MTHFD1L: variants seen among roughly 807,000 people sequenced by gnomAD.
MTHFD1L encodes methylenetetrahydrofolate dehydrogenase (NADP+ dependent) 1 like, also known as monofunctional C1-tetrahydrofolate synthase, mitochondrial.
A neutral mutation model predicts 119.5 loss-of-function variants in MTHFD1L; 81 were observed. The ratio of observed to expected loss-of-function variants is 0.68; its 90% CI spans 0.57 to 0.82. MTHFD1L has a LOEUF of 0.82. Among genes scored for constraint, MTHFD1L ranks in the 40% least tolerant of loss-of-function variants. The pLI is 0.00. For missense variants in MTHFD1L, 1,125 were observed against 1,253.4 expected (o/e 0.90, Z 1.55); for synonymous variants, 430 against 475.2 (o/e 0.90, Z 1.24).
chr6:151,015,881 G>A (rs538844996), intron 24 of MTHFD1L, among the ~76,000 whole-genome samples, 188 bp downstream of exon 24: 1 of 152,296 alleles, frequency 6.6e-6, no homozygotes, highest in South Asian at 2.1e-4. Flanking sequence ...GAGGTCAGGA[G>A]TTCGAGACCA....
At chr6:150,932,161 CAAAAAAAAAAAA>C (rs5880902) in intron 11 of MTHFD1L, among the ~76,000 whole-genome samples, 1 of 39,474 alleles carries the variant, frequency 2.5e-5, no homozygotes, top group African/African-American at 1.0e-4. Flanking sequence ...GACTCCATCT[CAAAAAAAAAAAA>C]AAAAAAAAAA....
In MTHFD1L at chr6:151,036,985, C is replaced by A; in HGVS notation, c.2715C>A (p.Ile905=). 4.3e-6 allele frequency: 7 copies of A among 1,612,030 alleles called. No individual in the cohort carries two copies. The highest frequency in any genetic ancestry group is 5.1e-6 in the Non-Finnish European group (6 of 1,179,846). Residue 905 remains isoleucine, a synonymous_variant, in exon 26 of 28, where the codon ATC becomes ATA. Transcript: ENST00000367321. The part of the protein sequence containing the change: ...YTQQGFGNLP[I]CMAKTHLSLS... ...CACAGGGTTTTGGAAATTTGCCCAT[C>A]TGCATGGCAAAGACCCACCTTTCTC...
chr6:151,000,205 T>C (rs1415626111), intron 20 of MTHFD1L, among the ~76,000 whole-genome samples: 2 of 151,962 alleles, frequency 1.3e-5, no homozygotes, highest in Non-Finnish European at 2.9e-5. Context: ...AGTGTGATGG[T>C]GCACAACTGT....
chr6:150,871,496 T>C (rs1255800811), intron 1 of MTHFD1L, among the ~76,000 whole-genome samples: 1 of 101,634 alleles, frequency 9.8e-6, no homozygotes, highest in Non-Finnish European at 2.0e-5. Flanking sequence ...TACTGTAATC[T>C]TTTTTTTTTT....
chr6:150,968,839 A>C (rs1797613302), intron 19 of MTHFD1L, among the ~76,000 whole-genome samples: 1 of 144,022 alleles, frequency 6.9e-6, no homozygotes, highest in African/African-American at 2.6e-5. Context: ...TCTTGTTTTA[A>C]ATAATTCTTT....
chr6:151,060,174 A>C (rs912113118), intron 26 of MTHFD1L, among the ~76,000 whole-genome samples: 2 of 152,216 alleles, frequency 1.3e-5, no homozygotes, highest in South Asian at 2.1e-4. Context: ...CTGAAGAATG[A>C]GATTTTATTG....
Position 150,926,295 on chromosome 6 carries a change from G to A in MTHFD1L, c.1256G>A (p.Gly419Glu). Reference protein sequence around the residue: ...QADGKYVLVAGITPTPLGEGK... With the variant: ...QADGKYVLVAEITPTPLGEGK... ...GATGGAAAATACGTCTTAGTTGCTG[G>A]GTAAGACACCATCTAACATCTACTT... Residue 419 changes from glycine to glutamate, a missense_variant and splice_region_variant, in exon 11 of 28, where the codon GGG becomes GAG. Gly to Glu is a moderately conservative substitution (Grantham distance 98). Around this residue, in one of 3 missense-constraint regions of MTHFD1L, gnomAD observed 1,058 missense variants for 1,151.2 expected, o/e 0.92. Transcript: ENST00000367321. The surrounding 1 kb of genome is among the most constrained non-coding windows in gnomAD (Gnocchi z 4.3). The A allele has an allele frequency of 6.2e-7, 1 of 1,607,386 alleles. No homozygotes were observed. The highest frequency in any genetic ancestry group is 8.5e-7 in the Non-Finnish European group (1 of 1,175,176).
At chr6:150,974,803 C>T (rs1776314146) in intron 20 of MTHFD1L, among the ~76,000 whole-genome samples, 1 of 150,948 alleles carries the variant, frequency 6.6e-6, no homozygotes, top group African/African-American at 2.4e-5. Flanking sequence ...ATGGCACAAT[C>T]TCAGCTCACT....
intron 1 of MTHFD1L, among the ~76,000 whole-genome samples, chr6:150,875,805 T>C (rs1780344979): frequency 6.6e-6 from 1 of 152,168 alleles, no homozygotes; most frequent in African/African-American, 2.4e-5. Context: ...TATAGTAAAC[T>C]TGGAAAATAC....
At chr6:151,085,725 T>G (rs1190331539) in intron 26 of MTHFD1L, among the ~76,000 whole-genome samples, 4 of 152,058 alleles carry the variant, frequency 2.6e-5, no homozygotes, top group Non-Finnish European at 5.9e-5. Flanking sequence ...GAGCAGAGAT[T>G]GTGCTACTAC....
At position 151,101,837 on chromosome 6, in the gene MTHFD1L, G is replaced by A. The variant is rs1795382775; in HGVS notation, c.*343G>A. ...AAAAGGTAACATTTTCCACTCTCAAGTTTTCTACTTTGTCTTTGAACTGAA... is the reference window on the plus strand; with the variant it reads ...AAAAGGTAACATTTTCCACTCTCAAATTTTCTACTTTGTCTTTGAACTGAA... On this transcript the variant is annotated 3_prime_UTR_variant, in exon 28 of 28. Coordinates refer to ENST00000367321, the MANE Select transcript of MTHFD1L (RefSeq NM_015440.5). 1 of 152,176 alleles carries A rather than the reference G, an allele frequency of 6.6e-6. No homozygotes were observed. Among genetic ancestry groups the A allele is most frequent in the Admixed American group, 6.6e-5 (1 of 15,258 alleles). 9.4% of individuals were successfully genotyped at this position (152,176 alleles called of 1,614,324 possible).
chr6:150,868,116 T>C (rs1000637440), intron 1 of MTHFD1L, among the ~76,000 whole-genome samples: 8 of 151,984 alleles, frequency 5.3e-5, no homozygotes, highest in Non-Finnish European at 1.2e-4. Context: ...TGCATACTTT[T>C]AGGTTTAAAG....
chr6:151,076,756 T>C (rs1792569573), intron 26 of MTHFD1L, among the ~76,000 whole-genome samples: 1 of 152,076 alleles, frequency 6.6e-6, no homozygotes, highest in South Asian at 2.1e-4. Context: ...ACCACCCCCT[T>C]GGAAATCAAT....
intron 7 of MTHFD1L, among the ~76,000 whole-genome samples, chr6:150,895,832 TAGTG>T (rs1279732000): frequency 6.6e-6 from 1 of 152,164 alleles, no homozygotes; most frequent in Admixed American, 6.5e-5. Context: ...TGCACTACAT[TAGTG>T]AGTTACATGA....
intron 26 of MTHFD1L, chr6:151,057,450 G>A: frequency 3.6e-6 from 2 of 550,832 alleles, no homozygotes; most frequent in Non-Finnish European, 4.6e-6. Context: ...AGACCAGCCT[G>A]GGCAACATAA....
In MTHFD1L at chr6:150,875,636, G is replaced by A. The variant is rs1780314430; in HGVS notation, c.228-454G>A. 2.0e-5 allele frequency among the ~76,000 whole-genome samples: 3 copies of A among 151,894 alleles called. 1 individual carries two copies. The South Asian group carries it at 6.3e-4, about 32-fold the overall frequency. On this transcript the variant is annotated intron_variant, in intron 1 of 27. Coordinates refer to ENST00000367321, the MANE Select transcript of MTHFD1L (RefSeq NM_015440.5). Reference sequence around the variant, plus strand: ...CTGTCTCGACACTTCTTGTCCAACAGTGAGCCCCCTGTCTTCACCCCCCTA... The same window carrying A: ...CTGTCTCGACACTTCTTGTCCAACAATGAGCCCCCTGTCTTCACCCCCCTA...
chr6:150,976,116 C>T (rs1485402595), intron 20 of MTHFD1L, among the ~76,000 whole-genome samples: 1 of 152,172 alleles, frequency 6.6e-6, no homozygotes, highest in Admixed American at 6.5e-5. Context: ...AGGAGAATCG[C>T]TTGAACCCCA....
intron 4 of MTHFD1L, among the ~76,000 whole-genome samples, 154 bp from the exon 5 acceptor site, chr6:150,882,608 A>G (rs1781553010): frequency 6.6e-6 from 1 of 152,132 alleles, no homozygotes; most frequent in Non-Finnish European, 1.5e-5. Flanking sequence ...TAGGCTTTTT[A>G]TTATGCTTTA....
chr6:150,916,758 T>A (rs1216345331), intron 8 of MTHFD1L, among the ~76,000 whole-genome samples: 17 of 49,394 alleles, frequency 3.4e-4, no homozygotes, highest in African/African-American at 2.2e-3. Context: ...TTTTTTTTTT[T>A]TTTTTTTTTT....
Sources: gnomAD v4.1 joint callset for allele counts (sites outside exome capture counted in the v4.1 genomes callset) on GRCh38, gnomAD v4.1.1 for gene constraint, gnomAD v4.1.1 regional missense constraint, Gnocchi (gnomAD v3.1) non-coding constraint, MANE v1.5 for transcripts, NCBI Gene and HGNC (gene_info 2026-07-23, HGNC 2026-07-21) for gene names.